Variants in PEX5L observed in about 807,000 individuals in gnomAD.
PEX5L encodes the protein peroxisomal biogenesis factor 5 like, also known as PEX5-related protein.
Under a neutral mutation model 84.0 loss-of-function variants are expected in PEX5L, and 30 were observed. The observed-to-expected ratio is 0.36, with a 90% CI of 0.27 to 0.48. The LOEUF (loss-of-function observed/expected upper bound fraction) is 0.48. Ranked by LOEUF, PEX5L falls within the 20% of genes least tolerant of loss-of-function variation. The pLI, the probability that PEX5L is intolerant of heterozygous loss-of-function variation, is 0.99. For synonymous variants in PEX5L, 270 were observed against 283.1 expected, an observed-to-expected ratio of 0.95 and a Z score of 0.46; for missense variants, 533 against 754.6, an observed-to-expected ratio of 0.71 and a Z score of 3.44.
chr3:180,010,144 A>T (rs1789302023), intron 1 of PEX5L, among the ~76,000 whole-genome samples: 1 of 150,878 alleles, frequency 6.6e-6, no homozygotes, highest in South Asian at 2.1e-4. Flanking sequence ...ACGGGGTTTC[A>T]CCATGTTAGC....
intron 8 of PEX5L, among the ~76,000 whole-genome samples, chr3:179,835,321 G>C (rs1012394450): frequency 2.6e-5 from 4 of 151,738 alleles, no homozygotes; most frequent in African/African-American, 9.7e-5. Flanking sequence ...TCTGTAAGTT[G>C]TGAAGAGTTA....
intron 7 of PEX5L, among the ~76,000 whole-genome samples, chr3:179,872,077 G>T (rs1750601074): frequency 6.6e-6 from 1 of 152,098 alleles, no homozygotes; most frequent in Non-Finnish European, 1.5e-5. Flanking sequence ...TAGAGACAGG[G>T]TTTTGCTATG....
chr3:180,028,198 T>C (rs1410405677), intron 1 of PEX5L, among the ~76,000 whole-genome samples: 1 of 151,086 alleles, frequency 6.6e-6, no homozygotes, highest in Non-Finnish European at 1.5e-5. Flanking sequence ...CACTTTTTAC[T>C]CTGGAGATTG....
intron 10 of PEX5L, among the ~76,000 whole-genome samples, chr3:179,815,065 T>C (rs778905659): frequency 6.6e-6 from 1 of 152,252 alleles, no homozygotes; most frequent in African/African-American, 2.4e-5. Flanking sequence ...TTTATTACAC[T>C]ACATTGATGT....
chr3:179,950,301 C>G (rs1394683831), intron 2 of PEX5L, among the ~76,000 whole-genome samples: 2 of 148,044 alleles, frequency 1.4e-5, no homozygotes, highest in Non-Finnish European at 3.0e-5. Flanking sequence ...TAGGTGGGAA[C>G]TGAACAATGA....
Position 179,874,332 on chromosome 3 carries a change from T to C in PEX5L, c.721A>G (p.Thr241Ala). 6.3e-7 allele frequency: 1 copy of C among 1,591,998 alleles called. No individual in the cohort carries two copies. Among genetic ancestry groups the C allele is most frequent in the Non-Finnish European group, 8.6e-7 (1 of 1,160,326 alleles). Reference protein sequence around the residue: ...SASELELVAPTQARLTKEHRW... With the variant: ...SASELELVAPAQARLTKEHRW... ...TGAATAATCAGTTTTGTTACCTGAG[T>C]CGGAGCCACTAATTCCAATTCTGAA... is the stretch of plus-strand genomic sequence containing the variant. Residue 241 changes from threonine (T) to alanine (A), a missense_variant, in exon 7 of 15, where the codon ACT (threonine) becomes GCT (alanine). Around this residue, in one of 8 missense-constraint regions of PEX5L, gnomAD observed 259 missense variants for 301.7 expected, o/e 0.86. Coordinates refer to ENST00000467460, the MANE Select transcript of PEX5L (RefSeq NM_016559.3).
chr3:179,923,028 G>A (rs964310647), intron 2 of PEX5L, among the ~76,000 whole-genome samples: 7 of 151,716 alleles, frequency 4.6e-5, no homozygotes, highest in African/African-American at 9.7e-5. Flanking sequence ...AGTGGCTCAC[G>A]CCTGTAATCC....
chr3:179,970,117 G>A (rs1369337227), intron 2 of PEX5L, among the ~76,000 whole-genome samples: 1 of 151,958 alleles, frequency 6.6e-6, no homozygotes, highest in African/African-American at 2.4e-5. Flanking sequence ...GAAAAGAAAA[G>A]CTTTGGGGTA....
intron 5 of PEX5L, among the ~76,000 whole-genome samples, chr3:179,877,948 T>C (rs1167935465): frequency 6.6e-6 from 1 of 152,182 alleles, no homozygotes; most frequent in Non-Finnish European, 1.5e-5. Context: ...CTTGGTTCTC[T>C]TTCCTTTCTT....
At chr3:179,925,774 G>A (rs928807513) in intron 2 of PEX5L, among the ~76,000 whole-genome samples, 3 of 152,182 alleles carry the variant, frequency 2.0e-5, no homozygotes, top group African/African-American at 7.2e-5. Context: ...CAGTATTAAT[G>A]TTTCAATTAC....
chr3:179,907,483 T>G (rs536255796), intron 2 of PEX5L, among the ~76,000 whole-genome samples: 1 of 152,210 alleles, frequency 6.6e-6, no homozygotes, highest in African/African-American at 2.4e-5. Flanking sequence ...TGGCTAATTT[T>G]TAATTTTTTT....
rs1410055722 is a variant in PEX5L, at chr3:179,868,035, TC to T, written c.726+6291del. Reference sequence around the variant, plus strand: ...TTATTATTTATGTATTTATTCTTCTTCTTCTTCTTTTTTTTTTTTTTTTTTT... The same window carrying T: ...TTATTATTTATGTATTTATTCTTCTTTTCTTCTTTTTTTTTTTTTTTTTTT... On this transcript the variant is annotated intron_variant, in intron 7 of 14. Coordinates refer to ENST00000467460, the MANE Select transcript of PEX5L (RefSeq NM_016559.3). Among the ~76,000 whole-genome samples the T allele has an allele frequency of 2.2e-4, 15 of 68,394 alleles. No homozygotes were observed. In the Admixed American group the frequency reaches 2.5e-3, roughly 11 times the overall value. 44.9% of individuals were successfully genotyped at this position (68,394 alleles called of 152,430 possible). A position where few individuals can be genotyped will look rare whatever the true frequency, so the allele number is the denominator to read the frequency against.
At chr3:180,036,522 G>A in intron 1 of PEX5L, 57 bp downstream of exon 1, 1 of 1,540,426 alleles carries the variant, frequency 6.5e-7, no homozygotes, top group Non-Finnish European at 9.0e-7. Context: ...TTGGTGAACC[G>A]CCTTGCTCTT....
intron 2 of PEX5L, among the ~76,000 whole-genome samples, chr3:179,961,938 G>C (rs1353738649): frequency 1.4e-5 from 1 of 71,058 alleles, no homozygotes; most frequent in Non-Finnish European, 3.1e-5. Flanking sequence ...ACCAGGTGGA[G>C]AGGCCCTGAG....
At chr3:180,024,536 C>T (rs1332319705) in intron 1 of PEX5L, among the ~76,000 whole-genome samples, 12 of 126,270 alleles carry the variant, frequency 9.5e-5, no homozygotes, top group Non-Finnish European at 1.9e-4. Flanking sequence ...TGGAGCGAGA[C>T]TCCGTTTCAA....
intron 10 of PEX5L, among the ~76,000 whole-genome samples, chr3:179,812,244 A>G (rs1724189172): frequency 6.6e-6 from 1 of 152,182 alleles, no homozygotes; most frequent in African/African-American, 2.4e-5. Context: ...GCTAAATGAA[A>G]TTTACAATAA....
intron 2 of PEX5L, among the ~76,000 whole-genome samples, chr3:179,929,582 AACT>A (rs1413994770): frequency 6.6e-6 from 1 of 151,868 alleles, no homozygotes; most frequent in African/African-American, 2.4e-5. Context: ...TTAGATATAG[AACT>A]ACTCTTTAAG....
intron 7 of PEX5L, among the ~76,000 whole-genome samples, chr3:179,870,782 A>G (rs1750038958): frequency 6.6e-6 from 1 of 152,082 alleles, no homozygotes; most frequent in African/African-American, 2.4e-5. Flanking sequence ...TCCTCCTGTT[A>G]ACCAGTTTGT....
At chr3:179,928,952 T>C (rs893328950) in intron 2 of PEX5L, among the ~76,000 whole-genome samples, 1 of 152,166 alleles carries the variant, frequency 6.6e-6, no homozygotes, top group African/African-American at 2.4e-5. Flanking sequence ...TAAACAGCTG[T>C]CCCTGTCATT....
Sources: gnomAD v4.1 joint callset for allele counts (sites outside exome capture counted in the v4.1 genomes callset) on GRCh38, gnomAD v4.1.1 for gene constraint, gnomAD v4.1.1 regional missense constraint, MANE v1.5 for transcripts, NCBI Gene and HGNC (gene_info 2026-07-23, HGNC 2026-07-21) for gene names.